MNAT1: variants seen among roughly 807,000 people sequenced by gnomAD.
The protein encoded by MNAT1 is MNAT1 component of CDK activating kinase.
Under a neutral mutation model 42.0 loss-of-function variants are expected in MNAT1, and 43 were observed. The observed-to-expected ratio is 1.02, with a 90% CI of 0.80 to 1.32. The LOEUF (loss-of-function observed/expected upper bound fraction) is 1.32, where lower values mean the gene tolerates loss of function less well. Among genes scored for constraint, MNAT1 ranks in the 40% most tolerant of loss-of-function variants. The probability of loss-of-function intolerance (pLI) is 0.00; values close to 1 mark genes in which losing one functional copy is unlikely to be tolerated. For missense variants in MNAT1, 306 were observed against 350.4 expected, an observed-to-expected ratio of 0.87 and a Z score of 1.01; for synonymous variants, 118 against 120.0, an observed-to-expected ratio of 0.98 and a Z score of 0.11.
At chr14:60,808,223 T>C in intron 3 of MNAT1, 102 bp from the exon 4 acceptor site, 1 of 665,372 alleles carries the variant, frequency 1.5e-6, no homozygotes. Flanking sequence ...CTATAAAGAA[T>C]GACAACCTAA....
chr14:60,888,832 T>C (rs1320659438), intron 7 of MNAT1, among the ~76,000 whole-genome samples: 3 of 134,916 alleles, frequency 2.2e-5, no homozygotes, highest in Middle Eastern at 3.5e-3. Flanking sequence ...AAATCATGAG[T>C]GAACTCCCAT....
chr14:60,886,651 T>C, intron 7 of MNAT1, among the ~76,000 whole-genome samples: 1 of 152,148 alleles, frequency 6.6e-6, no homozygotes, highest in African/African-American at 2.4e-5. Flanking sequence ...GCTAATGTAA[T>C]GTTTTGATTT....
At chr14:60,790,481 C>T (rs1458858078) in intron 1 of MNAT1, among the ~76,000 whole-genome samples, 1 of 151,888 alleles carries the variant, frequency 6.6e-6, no homozygotes, top group Non-Finnish European at 1.5e-5. Flanking sequence ...TGTCTCTCAT[C>T]TACTTCTAAC....
chr14:60,961,693 TC>T (rs2036595826), intron 7 of MNAT1, among the ~76,000 whole-genome samples: 1 of 152,212 alleles, frequency 6.6e-6, no homozygotes, highest in East Asian at 1.9e-4. Flanking sequence ...TTGTTCTCTG[TC>T]TTATTATCAG....
At chr14:60,795,909 A>G (rs1248745642) in intron 1 of MNAT1, among the ~76,000 whole-genome samples, 5 of 152,172 alleles carry the variant, frequency 3.3e-5, no homozygotes, top group African/African-American at 1.2e-4. Flanking sequence ...GTGACCATAC[A>G]GTAGCCTTTT....
intron 7 of MNAT1, among the ~76,000 whole-genome samples, chr14:60,941,511 G>A (rs2036158459): frequency 6.6e-6 from 1 of 151,996 alleles, no homozygotes; most frequent in African/African-American, 2.4e-5. Context: ...ACCAGCTTGG[G>A]CAACATTGCA....
intron 7 of MNAT1, among the ~76,000 whole-genome samples, chr14:60,955,501 A>G (rs1007456685): frequency 6.6e-6 from 1 of 152,134 alleles, no homozygotes; most frequent in African/African-American, 2.4e-5. Context: ...ATCTCTACTA[A>G]AAATACAAAA....
intron 7 of MNAT1, among the ~76,000 whole-genome samples, chr14:60,936,865 C>A (rs1280312795): frequency 1.3e-5 from 2 of 152,152 alleles, no homozygotes; most frequent in Admixed American, 1.3e-4. Context: ...GTTCCTATTT[C>A]TCCACATCCT....
At chr14:60,866,392 A>G (rs1035595380) in intron 6 of MNAT1, among the ~76,000 whole-genome samples, 2 of 149,762 alleles carry the variant, frequency 1.3e-5, no homozygotes, top group Non-Finnish European at 3.0e-5. Flanking sequence ...GAACTAAGTC[A>G]GTCATATAAT....
chr14:60,792,024 T>C (rs572557081), intron 1 of MNAT1, among the ~76,000 whole-genome samples: 1 of 152,182 alleles, frequency 6.6e-6, no homozygotes, highest in African/African-American at 2.4e-5. Flanking sequence ...CCATCACATA[T>C]AAATAGTTTA....
intron 5 of MNAT1, among the ~76,000 whole-genome samples, chr14:60,816,424 A>G (rs2032718287): frequency 6.6e-6 from 1 of 152,082 alleles, no homozygotes; most frequent in African/African-American, 2.4e-5. Context: ...TAAATTTTGT[A>G]TGGGCTAATA....
chr14:60,782,845 A>G (rs1057263085), intron 1 of MNAT1, among the ~76,000 whole-genome samples: 2 of 152,204 alleles, frequency 1.3e-5, no homozygotes, highest in Non-Finnish European at 2.9e-5. Flanking sequence ...TCAGTTGCTC[A>G]ATAAATAATT....
At chr14:60,812,556 A>T (rs1329149916) in intron 5 of MNAT1, among the ~76,000 whole-genome samples, 2 of 152,174 alleles carry the variant, frequency 1.3e-5, no homozygotes, top group East Asian at 3.9e-4. Context: ...CAGATTGAGA[A>T]CTTGTCCTCC....
chr14:60,914,044 C>G (rs1364037736), intron 7 of MNAT1, among the ~76,000 whole-genome samples: 2 of 152,210 alleles, frequency 1.3e-5, no homozygotes, highest in Non-Finnish European at 2.9e-5. Flanking sequence ...CTCCCCCAGC[C>G]TCGCTGCCGC....
intron 1 of MNAT1, among the ~76,000 whole-genome samples, chr14:60,764,576 A>G (rs2030737438): frequency 1.3e-5 from 2 of 152,206 alleles, no homozygotes; most frequent in African/African-American, 4.8e-5. Context: ...GATTTGAGAC[A>G]GATTTAGATG....
rs775157701 is a variant in MNAT1, at chr14:60,796,286, CAGAA to C, written c.163_166del (p.Lys55AlafsTer24). ...ACTGCCCTGAGTGTGGTACTCCACT[CAGAA>C]AGAGCAACTTCAGGGTACAACTCTT... On this transcript the variant is annotated frameshift_variant, in exon 2 of 8. Transcript: ENST00000261245. LOFTEE classifies it high-confidence loss of function. The C allele has an allele frequency of 6.2e-7, 1 of 1,613,666 alleles. No homozygotes were observed. Among genetic ancestry groups the C allele is most frequent in the South Asian group, 1.1e-5 (1 of 91,042 alleles).
At chr14:60,942,745 A>T (rs1025735739) in intron 7 of MNAT1, among the ~76,000 whole-genome samples, 8 of 152,164 alleles carry the variant, frequency 5.3e-5, no homozygotes, top group Non-Finnish European at 7.4e-5. Flanking sequence ...AATGCATTTT[A>T]GAAATTAAAA....
chr14:60,887,774 C>A (rs927238490), intron 7 of MNAT1, among the ~76,000 whole-genome samples: 11 of 151,958 alleles, frequency 7.2e-5, no homozygotes, highest in Non-Finnish European at 1.5e-4. Flanking sequence ...ATATCACCAC[C>A]AATCCCACAG....
At chr14:60,909,745 A>G (rs989393515) in intron 7 of MNAT1, among the ~76,000 whole-genome samples, 6 of 152,190 alleles carry the variant, frequency 3.9e-5, no homozygotes, top group African/African-American at 1.4e-4. Context: ...TATAGTTTGA[A>G]GTCAGGCAGC....
Sources: gnomAD v4.1 joint callset for allele counts (sites outside exome capture counted in the v4.1 genomes callset) on GRCh38, gnomAD v4.1.1 for gene constraint, MANE v1.5 for transcripts, NCBI Gene and HGNC (gene_info 2026-07-23, HGNC 2026-07-21) for gene names.